The following UST variants were observed in gnomAD, a reference collection of about 807,000 sequenced individuals.
UST encodes the protein chondroitin sulfate 2-O-sulfotransferase.
Under a neutral mutation model 45.6 loss-of-function variants are expected in UST, and 21 were observed. The observed-to-expected ratio is 0.46, with a 90% CI of 0.33 to 0.66. The LOEUF is 0.66. Among genes scored for constraint, UST ranks in the 30% least tolerant of loss-of-function variants. The probability of loss-of-function intolerance (pLI) is 0.02; values close to 1 mark genes in which losing one functional copy is unlikely to be tolerated. For synonymous variants in UST, 215 were observed against 200.6 expected (o/e 1.07, Z -0.61); for missense variants, 463 against 512.4 (o/e 0.90, Z 0.93).
intron 5 of UST, among the ~76,000 whole-genome samples, chr6:148,981,138 G>A (rs1373094769): frequency 6.6e-6 from 1 of 152,140 alleles, no homozygotes; most frequent in African/African-American, 2.4e-5. Flanking sequence ...TAGAATTCCA[G>A]TTGCCCATGT....
intron 1 of UST, among the ~76,000 whole-genome samples, chr6:148,774,691 C>T (rs1776496984): frequency 6.6e-6 from 1 of 152,120 alleles, no homozygotes; most frequent in Non-Finnish European, 1.5e-5. Context: ...TTCTTTTCAG[C>T]ATTTTTTAGA....
In UST at chr6:148,812,182, C is replaced by A. The variant is rs115681858; in HGVS notation, c.247+64505C>A. 4.1e-3 allele frequency among the ~76,000 whole-genome samples: 622 copies of A among 151,862 alleles called. 6 individuals carry two copies. The highest frequency in any genetic ancestry group is 0.014 in the African/African-American group (568 of 41,474). Reference sequence around the variant, plus strand: ...AAGAAAATGCATACATGCATACTTTCTATATTGTTTAATTAGTGCATGTAT... The same window carrying A: ...AAGAAAATGCATACATGCATACTTTATATATTGTTTAATTAGTGCATGTAT... On this transcript the variant is annotated intron_variant, in intron 1 of 7. Coordinates refer to ENST00000367463, the MANE Select transcript of UST (RefSeq NM_005715.3).
intron 2 of UST, among the ~76,000 whole-genome samples, chr6:148,931,073 C>T (rs1158883959): frequency 6.6e-6 from 1 of 152,174 alleles, no homozygotes; most frequent in Non-Finnish European, 1.5e-5. Flanking sequence ...GCAGTCTCTT[C>T]TTCTGAGGGT....
At chr6:148,797,592 T>A (rs1367875509) in intron 1 of UST, among the ~76,000 whole-genome samples, 2 of 152,108 alleles carry the variant, frequency 1.3e-5, no homozygotes, top group Non-Finnish European at 2.9e-5. Context: ...GAAAAGTGAG[T>A]GTTCAGAGTA....
chr6:148,965,786 A>G (rs1039957736), intron 5 of UST, among the ~76,000 whole-genome samples: 1 of 151,994 alleles, frequency 6.6e-6, no homozygotes, highest in East Asian at 1.9e-4. Flanking sequence ...TATTTGATCA[A>G]CTACCTAAGG....
intron 2 of UST, among the ~76,000 whole-genome samples, chr6:148,889,012 T>C (rs1294853550): frequency 6.6e-6 from 1 of 152,256 alleles, no homozygotes; most frequent in African/African-American, 2.4e-5. Context: ...AGAGCTGGAA[T>C]CTGAATTAGG....
At chr6:148,829,444 A>G (rs1391086444) in intron 1 of UST, among the ~76,000 whole-genome samples, 1 of 152,228 alleles carries the variant, frequency 6.6e-6, no homozygotes, top group South Asian at 2.1e-4. Context: ...AAGCGGGCAG[A>G]GCACATGGGC....
chr6:148,761,853 T>C (rs558490513), intron 1 of UST, among the ~76,000 whole-genome samples: 1 of 152,324 alleles, frequency 6.6e-6, no homozygotes, highest in South Asian at 2.1e-4. Context: ...CATGGGTTAC[T>C]CTTGAAAATG....
rs1780633648 is a variant in UST, at chr6:148,960,555, G to A, written c.528-3855G>A. On this transcript the variant is annotated intron_variant, in intron 4 of 7. Transcript: ENST00000367463. ...CAGAATGGTGGTTACCAGGGGTGGG[G>A]AAAGCAGGAAAAGGGATTTTTTTGT... is the stretch of plus-strand genomic sequence containing the variant. 2.6e-5 allele frequency among the ~76,000 whole-genome samples: 4 copies of A among 152,230 alleles called. No homozygotes were observed. The South Asian group carries it at 8.3e-4, about 32-fold the overall frequency.
At chr6:149,054,663 C>T (rs1343199077) in intron 7 of UST, among the ~76,000 whole-genome samples, 1 of 152,102 alleles carries the variant, frequency 6.6e-6, no homozygotes, top group Non-Finnish European at 1.5e-5. Context: ...TGAAGCACCA[C>T]CGTGGACCAG....
At chr6:148,879,310 G>A (rs1778780876) in intron 1 of UST, among the ~76,000 whole-genome samples, 1 of 152,154 alleles carries the variant, frequency 6.6e-6, no homozygotes, top group African/African-American at 2.4e-5. Flanking sequence ...AGCTTGTTTT[G>A]TATAATCTCC....
intron 1 of UST, among the ~76,000 whole-genome samples, chr6:148,808,540 C>T (rs1471425062): frequency 1.3e-5 from 2 of 151,856 alleles, no homozygotes; most frequent in Non-Finnish European, 2.9e-5. Context: ...GCTTTTGCCT[C>T]ATGCTGAAGC....
intron 1 of UST, among the ~76,000 whole-genome samples, chr6:148,883,879 C>A (rs1778866762): frequency 6.6e-6 from 1 of 152,180 alleles, no homozygotes; most frequent in Admixed American, 6.5e-5. Context: ...CGCCTGTAAT[C>A]CCAGCACTTT....
At chr6:148,756,050 C>T (rs760183131) in intron 1 of UST, among the ~76,000 whole-genome samples, 29 of 138,748 alleles carry the variant, frequency 2.1e-4, no homozygotes, top group Admixed American at 9.4e-4. Flanking sequence ...TGTTCCCCTT[C>T]CTGTGTCCAA....
intron 5 of UST, among the ~76,000 whole-genome samples, chr6:148,983,477 A>G (rs1781177980): frequency 6.6e-6 from 1 of 152,190 alleles, no homozygotes; most frequent in Admixed American, 6.5e-5. Flanking sequence ...TACCTCAATT[A>G]GTCATAATAT....
chr6:148,748,081 G>C lies in UST; in HGVS notation c.247+404G>C, dbSNP rs1035638554. Among the ~76,000 whole-genome samples the C allele has an allele frequency of 6.6e-6, 1 of 152,160 alleles. No homozygotes were observed. Among genetic ancestry groups the C allele is most frequent in the African/African-American group, 2.4e-5 (1 of 41,436 alleles). The stretch of plus-strand genomic sequence containing the variant: ...GAAGGTCCTCTTCGTTGCATTGTTA[G>C]TGACCGCAGTTCAGTCCCGTCCCGC... On this transcript the variant is annotated intron_variant, in intron 1 of 7. Transcript: ENST00000367463. The surrounding 1 kb of genome is among the most constrained non-coding windows in gnomAD (Gnocchi z 5.3).
intron 1 of UST, among the ~76,000 whole-genome samples, chr6:148,868,041 G>A (rs1478933706): frequency 6.6e-6 from 1 of 152,126 alleles, no homozygotes; most frequent in Non-Finnish European, 1.5e-5. Context: ...CCACTGATGA[G>A]CAGTCCTGGC....
intron 1 of UST, among the ~76,000 whole-genome samples, chr6:148,756,694 A>G (rs993845621): frequency 3.4e-4 from 52 of 152,310 alleles, no homozygotes; most frequent in Middle Eastern, 3.4e-3. Flanking sequence ...TTGACATTCT[A>G]CCTTGTATTG....
chr6:148,902,483 G>A (rs1048578769), intron 2 of UST, among the ~76,000 whole-genome samples: 3 of 151,394 alleles, frequency 2.0e-5, no homozygotes, highest in African/African-American at 4.9e-5. Flanking sequence ...CGATCCTCCC[G>A]CCTCAGCCTC....
Sources: gnomAD v4.1 joint callset for allele counts (sites outside exome capture counted in the v4.1 genomes callset) on GRCh38, gnomAD v4.1.1 for gene constraint, Gnocchi (gnomAD v3.1) non-coding constraint, MANE v1.5 for transcripts, NCBI Gene and HGNC (gene_info 2026-07-23, HGNC 2026-07-21) for gene names.